Variants in CNTN5 observed in about 807,000 individuals in gnomAD.
CNTN5 encodes contactin-5.
CNTN5 carries 77 observed loss-of-function variants against 129.1 expected under a neutral mutation model. That is an observed-to-expected ratio of 0.60 (90% CI 0.50 to 0.72). CNTN5 has a LOEUF of 0.72. CNTN5 is among the 30% of genes least tolerant of loss of function. CNTN5 has a pLI of 0.00. For missense variants in CNTN5, 1,478 were observed against 1,328.8 expected, an observed-to-expected ratio of 1.11 and a Z score of -1.75; for synonymous variants, 509 against 465.6, an observed-to-expected ratio of 1.09 and a Z score of -1.20.
At chr11:100,187,224 G>T (rs183050764) in intron 13 of CNTN5, among the ~76,000 whole-genome samples, 325 of 152,142 alleles carry the variant, frequency 2.1e-3, no homozygotes, top group Admixed American at 8.0e-3. Flanking sequence ...GTTGAGTTTT[G>T]TACATCGATT....
At chr11:99,762,249 T>G (rs1293436829) in intron 3 of CNTN5, among the ~76,000 whole-genome samples, 1 of 143,694 alleles carries the variant, frequency 7.0e-6, no homozygotes, top group Non-Finnish European at 1.5e-5. Flanking sequence ...TCTTTTGCTG[T>G]GCAGAAGCTC....
chr11:99,100,111 A>G (rs1866652079), intron 1 of CNTN5, among the ~76,000 whole-genome samples: 1 of 152,174 alleles, frequency 6.6e-6, no homozygotes, highest in African/African-American at 2.4e-5. Context: ...ATGACCCAAA[A>G]AACAATCAAC....
intron 2 of CNTN5, among the ~76,000 whole-genome samples, chr11:99,445,284 T>C (rs1167770747): frequency 2.6e-5 from 4 of 151,650 alleles, no homozygotes; most frequent in Non-Finnish European, 5.9e-5. Context: ...CCTCAGCTAA[T>C]GAGGTAGAGT....
chr11:99,533,734 T>A (rs1215689574), intron 2 of CNTN5, among the ~76,000 whole-genome samples: 2 of 152,336 alleles, frequency 1.3e-5, no homozygotes, highest in East Asian at 1.9e-4. Flanking sequence ...GAAATATGTG[T>A]GGTAGACATT....
At chr11:100,138,264 A>G (rs1224074789) in intron 13 of CNTN5, among the ~76,000 whole-genome samples, 1 of 151,986 alleles carries the variant, frequency 6.6e-6, no homozygotes, top group Admixed American at 6.6e-5. Context: ...AAAAAAATGA[A>G]CCGATACCAA....
chr11:99,735,687 G>A (rs1445356520), intron 3 of CNTN5, among the ~76,000 whole-genome samples: 1 of 152,092 alleles, frequency 6.6e-6, no homozygotes, highest in African/African-American at 2.4e-5. Flanking sequence ...ACAAACAGAC[G>A]TTATATACGT....
chr11:99,219,163 C>A (rs1326228037), intron 1 of CNTN5, among the ~76,000 whole-genome samples: 1 of 151,860 alleles, frequency 6.6e-6, no homozygotes, highest in Non-Finnish European at 1.5e-5. Context: ...CTATTCTAGG[C>A]ATTTGGGATA....
chr11:99,552,266 C>T (rs546807469), intron 2 of CNTN5, among the ~76,000 whole-genome samples: 1 of 148,768 alleles, frequency 6.7e-6, no homozygotes, highest in Non-Finnish European at 1.5e-5. Context: ...CTAGAGACTT[C>T]AGTTTATTCA....
chr11:99,989,222 G>T (rs569850919), intron 8 of CNTN5, among the ~76,000 whole-genome samples: 8 of 152,226 alleles, frequency 5.3e-5, no homozygotes, highest in Admixed American at 1.3e-4. Context: ...TAATTTAATT[G>T]CTGAATATTT....
At chr11:99,224,591 G>A (rs1860574226) in intron 1 of CNTN5, among the ~76,000 whole-genome samples, 1 of 151,664 alleles carries the variant, frequency 6.6e-6, no homozygotes, top group South Asian at 2.1e-4. Flanking sequence ...GTGCCAGCTG[G>A]TGAGAATGAT....
chr11:100,189,531 A>C (rs1367884349), intron 13 of CNTN5, among the ~76,000 whole-genome samples: 1 of 152,144 alleles, frequency 6.6e-6, no homozygotes, highest in African/African-American at 2.4e-5. Flanking sequence ...AAATCCACAT[A>C]ATTTCAAGAT....
chr11:99,551,078 T>G (rs1403683208), intron 2 of CNTN5, among the ~76,000 whole-genome samples: 1 of 152,150 alleles, frequency 6.6e-6, no homozygotes, highest in East Asian at 1.9e-4. Flanking sequence ...TCACTTCATA[T>G]GTTTTTAGGC....
chr11:99,054,012 G>T (rs1864531277), intron 1 of CNTN5, among the ~76,000 whole-genome samples: 1 of 151,840 alleles, frequency 6.6e-6, no homozygotes, highest in Admixed American at 6.6e-5. Context: ...TCCTCAAGTG[G>T]CCGCTGTAAT....
intron 16 of CNTN5, among the ~76,000 whole-genome samples, chr11:100,230,198 C>T (rs1203510585): frequency 6.6e-6 from 1 of 152,070 alleles, no homozygotes; most frequent in East Asian, 1.9e-4. Context: ...TATAAAATGT[C>T]CTTCCTCTTA....
At chr11:99,576,584 G>C (rs1949357821) in intron 3 of CNTN5, among the ~76,000 whole-genome samples, 2 of 152,130 alleles carry the variant, frequency 1.3e-5, no homozygotes, top group African/African-American at 4.8e-5. Context: ...AATTCATAGA[G>C]GTAACAGACT....
At chr11:99,123,892 C>G (rs1591232893) in intron 1 of CNTN5, among the ~76,000 whole-genome samples, 1 of 151,898 alleles carries the variant, frequency 6.6e-6, no homozygotes, top group Admixed American at 6.6e-5. Context: ...CTGTTCTGAT[C>G]CATTGGTTTA....
intron 8 of CNTN5, among the ~76,000 whole-genome samples, chr11:99,997,152 C>T (rs7934428): frequency 0.71 from 107,403 of 151,850 alleles, 38,408 homozygotes; most frequent in African/African-American, 0.81. Flanking sequence ...GTCTTGCTAG[C>T]GGTCTATCAA....
intron 2 of CNTN5, among the ~76,000 whole-genome samples, chr11:99,354,934 C>G (rs772309158): frequency 1.3e-5 from 2 of 152,168 alleles, no homozygotes; most frequent in Non-Finnish European, 2.9e-5. Context: ...AGCCCTACCC[C>G]TCTCTCCTAA....
intron 1 of CNTN5, among the ~76,000 whole-genome samples, chr11:99,110,754 A>G (rs1213759948): frequency 1.3e-5 from 2 of 152,152 alleles, no homozygotes; most frequent in Non-Finnish European, 2.9e-5. Context: ...CATAAATGTT[A>G]ATATCTCTAT....
Sources: allele counts gnomAD v4.1 joint callset (sites outside exome capture counted in the v4.1 genomes callset), GRCh38; gene constraint gnomAD v4.1.1; transcripts MANE v1.5; gene names NCBI Gene and HGNC (gene_info 2026-07-23, HGNC 2026-07-21).